Variants in KIAA1549L observed in about 807,000 individuals in gnomAD.
The protein encoded by KIAA1549L is UPF0606 protein KIAA1549L.
KIAA1549L carries 88 observed loss-of-function variants against 160.7 expected under a neutral mutation model. The observed-to-expected ratio is 0.55, with a 90% CI of 0.46 to 0.65. The LOEUF (loss-of-function observed/expected upper bound fraction) is 0.65. Among genes scored for constraint, KIAA1549L ranks in the 30% least tolerant of loss-of-function variants. KIAA1549L has a pLI of 0.00. For synonymous variants in KIAA1549L, 950 were observed against 976.7 expected, an observed-to-expected ratio of 0.97 and a Z score of 0.51; for missense variants, 2,258 against 2,437.5, an observed-to-expected ratio of 0.93 and a Z score of 1.55.
At chr11:33,448,343 C>T (rs1851657404) in intron 1 of KIAA1549L, among the ~76,000 whole-genome samples, 1 of 152,180 alleles carries the variant, frequency 6.6e-6, no homozygotes, top group South Asian at 2.1e-4. Flanking sequence ...GATGTATGTC[C>T]TTCCGATGAG....
At chr11:33,624,542 G>C (rs761429983) in intron 16 of KIAA1549L, among the ~76,000 whole-genome samples, 18 of 152,076 alleles carry the variant, frequency 1.2e-4, no homozygotes, top group Non-Finnish European at 2.2e-4. Flanking sequence ...CTTAATGTAT[G>C]TAAATTCAGT....
chr11:33,567,477 T>C (rs1855087776), intron 8 of KIAA1549L, among the ~76,000 whole-genome samples: 2 of 152,044 alleles, frequency 1.3e-5, no homozygotes, highest in African/African-American at 4.8e-5. Context: ...TCTGAGGGGT[T>C]TGGGTAGCTT....
chr11:33,527,266 T>C (rs182352107), intron 1 of KIAA1549L, among the ~76,000 whole-genome samples: 19 of 152,294 alleles, frequency 1.2e-4, no homozygotes, highest in Non-Finnish European at 1.6e-4. Flanking sequence ...TGGAGCAGAA[T>C]AGAGAACCCA....
At chr11:33,586,155 AAGTT>A (rs1305002540) in intron 11 of KIAA1549L, among the ~76,000 whole-genome samples, 2 of 152,220 alleles carry the variant, frequency 1.3e-5, no homozygotes, top group Non-Finnish European at 2.9e-5. Context: ...CAGAACAAAA[AAGTT>A]AGCCTTCACC....
Position 33,671,170 on chromosome 11 carries a change from T to C in KIAA1549L, c.*3016T>C, listed in dbSNP as rs1443442079. On this transcript the variant is annotated 3_prime_UTR_variant, in exon 21 of 21. Transcript: ENST00000658780. The stretch of plus-strand genomic sequence containing the variant: ...TGCATTCATGAAAAAGAAATGCATT[T>C]TGGCTTTTTCCAGAAAGAGTACCAT... 1 of 152,184 alleles carries C rather than the reference T, an allele frequency of 6.6e-6. No homozygotes were observed. Among genetic ancestry groups the C allele is most frequent in the Middle Eastern group, 3.2e-3 (1 of 316 alleles). 9.4% of individuals were successfully genotyped at this position (152,184 alleles called of 1,614,324 possible).
At position 33,587,601 on chromosome 11, in the gene KIAA1549L, T is replaced by C. The variant is rs954400826; in HGVS notation, c.4567-3636T>C. ...AGTACCAAACATACACAGGGATTGT[T>C]GTGATTAACAACACAGGTGTAATTA... is the stretch of plus-strand genomic sequence containing the variant. On this transcript the variant is annotated intron_variant, in intron 11 of 20. Transcript: ENST00000658780. 2.0e-5 allele frequency among the ~76,000 whole-genome samples: 3 copies of C among 152,254 alleles called. No individual in the cohort carries two copies. The South Asian group carries it at 6.2e-4, about 32-fold the overall frequency.
intron 1 of KIAA1549L, among the ~76,000 whole-genome samples, chr11:33,462,827 C>T (rs560793145): frequency 2.2e-4 from 33 of 151,774 alleles, no homozygotes; most frequent in East Asian, 5.8e-4. Context: ...CATTGTTCAA[C>T]GGCAGCTTTC....
At chr11:33,576,533 T>C (rs1855453167) in intron 10 of KIAA1549L, among the ~76,000 whole-genome samples, 1 of 152,172 alleles carries the variant, frequency 6.6e-6, no homozygotes, top group African/African-American at 2.4e-5. Flanking sequence ...TCTCAGCTCT[T>C]TCTCCCTCTC....
chr11:33,601,428 A>G (rs905361206), intron 13 of KIAA1549L, among the ~76,000 whole-genome samples: 1 of 152,230 alleles, frequency 6.6e-6, no homozygotes, highest in African/African-American at 2.4e-5. Flanking sequence ...GTTTACCAAT[A>G]AAATCAATAG....
intron 15 of KIAA1549L, among the ~76,000 whole-genome samples, chr11:33,611,339 T>A (rs1850644400): frequency 6.6e-6 from 1 of 152,148 alleles, no homozygotes. Context: ...CCTGAGTAAG[T>A]ACTTATTAAA....
At position 33,415,265 on chromosome 11, in the gene KIAA1549L, G is replaced by A. The variant is rs576091806; in HGVS notation, c.238+38376G>A. The stretch of plus-strand genomic sequence containing the variant: ...CTAGTGCCCACCATGTTTTGGGCAC[G>A]GTATTTGACAGTGGATTGCATAAGG... On this transcript the variant is annotated intron_variant, in intron 1 of 20. Transcript: ENST00000658780. 3.9e-5 allele frequency among the ~76,000 whole-genome samples: 6 copies of A among 152,084 alleles called. No individual in the cohort carries two copies. The East Asian group carries it at 1.2e-3, about 29-fold the overall frequency.
Position 33,432,113 on chromosome 11 carries a change from G to A in KIAA1549L, c.238+55224G>A, listed in dbSNP as rs576078169. ...AGCTCTGCACGCAGTCCCGGTTCCC[G>A]CTCGCACCTCTCCCTCCACACCTCC... is the stretch of plus-strand genomic sequence containing the variant. On this transcript the variant is annotated intron_variant, in intron 1 of 20. Transcript: ENST00000658780. Among the ~76,000 whole-genome samples, 14 of 152,268 alleles carry A rather than the reference G, an allele frequency of 9.2e-5. No individual in the cohort carries two copies. In the South Asian group the frequency reaches 1.7e-3, roughly 18 times the overall value.
At chr11:33,414,106 G>A (rs1428803609) in intron 1 of KIAA1549L, among the ~76,000 whole-genome samples, 1 of 152,180 alleles carries the variant, frequency 6.6e-6, no homozygotes, top group Non-Finnish European at 1.5e-5. Context: ...CAGTAAACCT[G>A]CTGCCTAGTA....
In KIAA1549L at chr11:33,524,001, A is replaced by G. The variant is rs185513702; in HGVS notation, c.239-17801A>G. Among the ~76,000 whole-genome samples, 177 of 152,310 alleles carry G rather than the reference A, an allele frequency of 1.2e-3. No homozygotes were observed. The South Asian group carries it at 0.024, about 21-fold the overall frequency. Reference sequence around the variant, plus strand: ...ACTAACTCAGTACTGGTTTCATAAAATGAATTGGGGACATTTCTGTGTATT... The same window carrying G: ...ACTAACTCAGTACTGGTTTCATAAAGTGAATTGGGGACATTTCTGTGTATT... On this transcript the variant is annotated intron_variant, in intron 1 of 20. Coordinates refer to ENST00000658780, the MANE Select transcript of KIAA1549L (RefSeq NM_012194.3).
intron 1 of KIAA1549L, among the ~76,000 whole-genome samples, chr11:33,456,612 A>G (rs1590258525): frequency 6.6e-6 from 1 of 152,156 alleles, no homozygotes; most frequent in East Asian, 1.9e-4. Context: ...GGGTTTCACC[A>G]TGTTGCCCAG....
At chr11:33,394,233 A>G (rs1385323406) in intron 1 of KIAA1549L, among the ~76,000 whole-genome samples, 3 of 152,016 alleles carry the variant, frequency 2.0e-5, no homozygotes, top group African/African-American at 4.8e-5. Context: ...AAACAAAACA[A>G]AAATTAGCTT....
chr11:33,573,524 G>T (rs1359271604), intron 9 of KIAA1549L, among the ~76,000 whole-genome samples: 1 of 152,080 alleles, frequency 6.6e-6, no homozygotes, highest in South Asian at 2.1e-4. Flanking sequence ...CTACACTATA[G>T]TATGTCATCA....
chr11:33,500,409 A>G (rs960190635), intron 1 of KIAA1549L, among the ~76,000 whole-genome samples: 2 of 152,228 alleles, frequency 1.3e-5, no homozygotes, highest in Admixed American at 1.3e-4. Flanking sequence ...TAGAGAAGTC[A>G]AGTTCATTCA....
intron 8 of KIAA1549L, among the ~76,000 whole-genome samples, chr11:33,564,328 A>G (rs536267583): frequency 1.4e-4 from 21 of 152,328 alleles, no homozygotes; most frequent in African/African-American, 5.1e-4. Flanking sequence ...CATTTCTAAC[A>G]GCCAAGAGGA....
Sources: gnomAD v4.1 joint callset for allele counts (sites outside exome capture counted in the v4.1 genomes callset) on GRCh38, gnomAD v4.1.1 for gene constraint, MANE v1.5 for transcripts, NCBI Gene and HGNC (gene_info 2026-07-23, HGNC 2026-07-21) for gene names.